SAMD15: variants seen among roughly 807,000 people sequenced by gnomAD.
SAMD15 encodes the protein sterile alpha motif domain-containing protein 15.
A neutral mutation model predicts 50.5 loss-of-function variants in SAMD15; 37 were observed. That is an observed-to-expected ratio of 0.73 (90% CI 0.56 to 0.96). The LOEUF (loss-of-function observed/expected upper bound fraction) is 0.96. Ranked by LOEUF, SAMD15 falls within the 40% of genes least tolerant of loss-of-function variation. The pLI is 0.00. For synonymous variants in SAMD15, 255 were observed against 282.8 expected (o/e 0.90, Z 0.99); for missense variants, 789 against 783.8 (o/e 1.01, Z -0.08).
In SAMD15 at chr14:77,378,521, A is replaced by G. The variant is rs768982746; in HGVS notation, c.1103A>G (p.Asn368Ser). 2 of 1,613,704 alleles carry G rather than the reference A, an allele frequency of 1.2e-6. No individual in the cohort carries two copies. Among genetic ancestry groups the G allele is most frequent in the African/African-American group, 2.7e-5 (2 of 74,954 alleles). The change falls in exon 1 of 3, where the codon AAT becomes AGT. Residue 368 changes from asparagine to serine, a missense_variant. Asn to Ser is a conservative substitution (Grantham distance 46). This residue lies in a region of SAMD15 where 770 missense variants were observed against 745.4 expected (regional missense o/e 1.03). Coordinates refer to ENST00000216471, the MANE Select transcript of SAMD15 (RefSeq NM_001010860.4). The stretch of plus-strand genomic sequence containing the variant: ...AGTCCAGAAGAGATAAGAAAGTCAA[A>G]TGAGAAAAAAAATCCACAGCCACCA... ...PESPEEIRKS[N>S]EKKNPQPPEE...
chr14:77,388,590 T>C (rs551258378), intron 2 of SAMD15, among the ~76,000 whole-genome samples: 1 of 149,384 alleles, frequency 6.7e-6, no homozygotes, highest in South Asian at 2.1e-4. Context: ...TTTTTTTTTT[T>C]CTGTAGCAAT....
At chr14:77,379,154 ACTT>A (rs776159002) in intron 1 of SAMD15, 47 bp downstream of exon 1, 14 of 1,549,422 alleles carry the variant, frequency 9.0e-6, no homozygotes, top group African/African-American at 2.7e-5. Flanking sequence ...TCATCCGTCT[ACTT>A]CTTATTCCTT....
intron 1 of SAMD15, 117 bp downstream of exon 1, chr14:77,379,224 CTG>C (rs1473583573): frequency 2.1e-6 from 2 of 953,574 alleles, no homozygotes; most frequent in Admixed American, 5.0e-5. Context: ...AAGTCCTAGA[CTG>C]TGGTAGAGGT....
At position 77,377,596 on chromosome 14, in the gene SAMD15, G is replaced by T; in HGVS notation, c.178G>T (p.Glu60Ter). 1 of 1,614,132 alleles carries T rather than the reference G, an allele frequency of 6.2e-7. No individual in the cohort carries two copies. The highest frequency in any genetic ancestry group is 8.5e-7 in the Non-Finnish European group (1 of 1,180,012). Reference protein sequence around the residue: ...EIYQEPQPETEEEDFKEGEPD... With the variant: ...EIYQEPQPET The stretch of plus-strand genomic sequence containing the variant: ...TTACCAAGAGCCACAGCCAGAGACC[G>T]AGGAAGAGGACTTCAAAGAGGGGGA... The change falls in exon 1 of 3, where the codon GAG becomes TAG. Residue 60 changes from glutamate to a stop codon, truncating the protein, a stop_gained. Transcript: ENST00000216471. LOFTEE classifies it high-confidence loss of function.
At position 77,378,237 on chromosome 14, in the gene SAMD15, T is replaced by G; in HGVS notation, c.819T>G (p.Ser273Arg). The change falls in exon 1 of 3, where the codon AGT (serine) becomes AGG (arginine). Residue 273 changes from serine (S) to arginine (R), a missense_variant. By Grantham distance (110) the Ser-to-Arg change is moderately radical (BLOSUM62 -1). Coordinates refer to ENST00000216471, the MANE Select transcript of SAMD15 (RefSeq NM_001010860.4). Reference sequence around the variant, plus strand: ...TGGAGAAGGAACCAAGAAAGTCTAGTGAGGAGGCAGGTCTAGAGCCTCCAG... The same window carrying G: ...TGGAGAAGGAACCAAGAAAGTCTAGGGAGGAGGCAGGTCTAGAGCCTCCAG... ...EFLEKEPRKSSEEAGLEPPEE... is the reference protein window; with the variant it reads ...EFLEKEPRKSREEAGLEPPEE... 3 of 1,613,956 alleles carry G rather than the reference T, an allele frequency of 1.9e-6. No homozygotes were observed. Among genetic ancestry groups the G allele is most frequent in the Non-Finnish European group, 2.5e-6 (3 of 1,179,980 alleles).
At chr14:77,381,968 C>T (rs1049754704) in intron 2 of SAMD15, among the ~76,000 whole-genome samples, 3 of 152,046 alleles carry the variant, frequency 2.0e-5, no homozygotes, top group Non-Finnish European at 2.9e-5. Context: ...GACAGGGTCT[C>T]GCTCTGTCAC....
chr14:77,380,512 C>A, intron 2 of SAMD15, 31 bp downstream of exon 2: 2 of 1,452,824 alleles, frequency 1.4e-6, no homozygotes, highest in Middle Eastern at 1.7e-4. Flanking sequence ...CCCTACAGAG[C>A]ACTGTTAACA....
intron 2 of SAMD15, among the ~76,000 whole-genome samples, chr14:77,385,452 A>AT (rs1291162028): frequency 2.7e-5 from 4 of 150,810 alleles, no homozygotes; most frequent in Non-Finnish European, 3.0e-5. Flanking sequence ...TACCTGGCCA[A>AT]TTTTTTTTGT....
chr14:77,385,348 C>T (rs1893992892), intron 2 of SAMD15, among the ~76,000 whole-genome samples: 1 of 151,522 alleles, frequency 6.6e-6, no homozygotes, highest in South Asian at 2.1e-4. Context: ...TGCAATGGCG[C>T]GATCTCGGCT....
At position 77,378,393 on chromosome 14, in the gene SAMD15, T is replaced by C. The variant is rs1266527350; in HGVS notation, c.975T>C (p.Val325=). The C allele has an allele frequency of 1.9e-6, 3 of 1,613,816 alleles. No individual in the cohort carries two copies. Among genetic ancestry groups the C allele is most frequent in the Admixed American group, 3.3e-5 (2 of 59,940 alleles). ...HKPRKSTDEN[V]PEPLEEIKLE... ...CAAGAAAGTCTACTGATGAGAACGT[T>C]CCTGAGCCACTAGAAGAGATCAAAT... The change falls in exon 1 of 3, where the codon GTT becomes GTC. Residue 325 remains valine, a synonymous_variant. Transcript: ENST00000216471.
rs1199968035 is a variant in SAMD15 at position 77,377,615 on chromosome 14, AG to A, written c.202del (p.Glu68SerfsTer10). ...GAGACCGAGGAAGAGGACTTCAAAG[AG>A]GGGGAGCCAGACAGTGCTAAGAACG... ...QPETEEEDFKEGEPDSAKNVQ... is the reference protein window; with the variant it reads ...QPETEEEDFKXGEPDSAKNVQ... On this transcript the variant is annotated frameshift_variant, in exon 1 of 3. Transcript: ENST00000216471. LOFTEE classifies it high-confidence loss of function. 1 of 1,614,124 alleles carries A rather than the reference AG, an allele frequency of 6.2e-7. No homozygotes were observed. The highest frequency in any genetic ancestry group is 1.1e-5 in the South Asian group (1 of 91,074).
Position 77,377,826 on chromosome 14 carries a change from G to A in SAMD15, c.408G>A (p.Glu136=). ...MDETHKESDL[E]PPEEAKPNVT... The stretch of plus-strand genomic sequence containing the variant: ...AAACGCATAAAGAGTCAGACCTAGA[G>A]CCACCAGAGGAGGCTAAACCAAATG... The change falls in exon 1 of 3, where the codon GAG becomes GAA. Residue 136 remains glutamate (E), a synonymous_variant. Coordinates refer to ENST00000216471, the MANE Select transcript of SAMD15 (RefSeq NM_001010860.4). The A allele has an allele frequency of 6.2e-7, 1 of 1,614,176 alleles. No individual in the cohort carries two copies. Among genetic ancestry groups the A allele is most frequent in the Middle Eastern group, 1.6e-4 (1 of 6,062 alleles).
Position 77,378,657 on chromosome 14 carries a change from G to A in SAMD15, c.1239G>A (p.Arg413=), listed in dbSNP as rs749120985. 4 of 1,613,924 alleles carry A rather than the reference G, an allele frequency of 2.5e-6. No homozygotes were observed. Among genetic ancestry groups the A allele is most frequent in the African/African-American group, 2.7e-5 (2 of 74,882 alleles). Residue 413 remains arginine, a synonymous_variant, in exon 1 of 3, where the codon AGG becomes AGA. Transcript: ENST00000216471. ...ILELPDETKP[R]ETHVEFSKED... is the part of the protein sequence containing the mutation. ...AGTTACCAGATGAAACCAAACCAAG[G>A]GAGACACATGTAGAATTTTCCAAGG...
In SAMD15 at chr14:77,391,537, G is replaced by A; in HGVS notation, c.*293G>A. The A allele has an allele frequency of 8.4e-6, 2 of 237,992 alleles. No individual in the cohort carries two copies. The highest frequency in any genetic ancestry group is 1.6e-5 in the Non-Finnish European group (2 of 123,772). 14.7% of individuals were successfully genotyped at this position (237,992 alleles called of 1,614,324 possible). On this transcript the variant is annotated 3_prime_UTR_variant, in exon 3 of 3. Transcript: ENST00000216471. ...TTCACCATGTTGGCCAGGCTGGTCTGAAACTCCTAACAGTTGATCTGCCCG... is the reference window on the plus strand; with the variant it reads ...TTCACCATGTTGGCCAGGCTGGTCTAAAACTCCTAACAGTTGATCTGCCCG...
At position 77,378,852 on chromosome 14, in the gene SAMD15, T is replaced by C; in HGVS notation, c.1434T>C (p.Phe478=). The change falls in exon 1 of 3, where the codon TTT becomes TTC. Residue 478 remains phenylalanine (F), a synonymous_variant. Transcript: ENST00000216471. ...AATCAATTGGTACACATTATGAGTT[T>C]TTGCAACCACTCCAAAAATTGCTTA... is the stretch of plus-strand genomic sequence containing the variant. ...SEESIGTHYE[F]LQPLQKLLNV... 6.2e-7 allele frequency: 1 copy of C among 1,614,070 alleles called. No individual in the cohort carries two copies. The highest frequency in any genetic ancestry group is 8.5e-7 in the Non-Finnish European group (1 of 1,179,998).
chr14:77,385,441 G>A (rs1224243859), intron 2 of SAMD15, among the ~76,000 whole-genome samples: 1 of 151,142 alleles, frequency 6.6e-6, no homozygotes, highest in Non-Finnish European at 1.5e-5. Flanking sequence ...GCCCACCACT[G>A]TACCTGGCCA....
In SAMD15 at chr14:77,377,380, G is replaced by A; in HGVS notation, c.-39G>A. The A allele has an allele frequency of 1.3e-6, 2 of 1,561,558 alleles. No individual in the cohort carries two copies. ...TCCATAGAGACGCTATCGGAAGTTG[G>A]GGTTGCTAGGAAGCCGCGGCGCGTC... On this transcript the variant is annotated 5_prime_UTR_variant, in exon 1 of 3. Transcript: ENST00000216471.
chr14:77,389,150 G>A (rs942060155), intron 2 of SAMD15, among the ~76,000 whole-genome samples: 9 of 151,944 alleles, frequency 5.9e-5, no homozygotes, highest in Middle Eastern at 3.4e-3. Context: ...ATCCTTACTC[G>A]GAATGCCAAG....
intron 2 of SAMD15, among the ~76,000 whole-genome samples, chr14:77,386,182 C>T (rs191215700): frequency 6.6e-6 from 1 of 152,190 alleles, no homozygotes; most frequent in Admixed American, 6.5e-5. Flanking sequence ...TAAAAGTTTG[C>T]ATGCAGTAAA....
Sources: gnomAD v4.1 joint callset for allele counts (sites outside exome capture counted in the v4.1 genomes callset) on GRCh38, gnomAD v4.1.1 for gene constraint, gnomAD v4.1.1 regional missense constraint, MANE v1.5 for transcripts, NCBI Gene and HGNC (gene_info 2026-07-23, HGNC 2026-07-21) for gene names.